CD93: variants seen among roughly 807,000 people sequenced by gnomAD.
CD93 encodes complement component C1q receptor.
A neutral mutation model predicts 45.5 loss-of-function variants in CD93; 44 were observed. The observed-to-expected ratio is 0.97, with a 90% confidence interval of 0.76 to 1.24. The LOEUF is 1.24. Ranked by LOEUF, CD93 falls within the 50% of genes most tolerant of loss-of-function variation. The pLI is 0.00. For synonymous variants in CD93, 431 were observed against 370.8 expected (o/e 1.16, Z -1.87); for missense variants, 918 against 844.5 (o/e 1.09, Z -1.08).
rs200379116 is a variant in CD93 at position 23,083,936 on chromosome 20, G to A, written c.*14C>T. ...GTGGCTGGTGACTCTAGTGTCTCTA[G>A]GGCCACCTCACTTTCAGCAGTCTGT... is the stretch of plus-strand genomic sequence containing the variant. On this transcript the variant is annotated 3_prime_UTR_variant, in exon 2 of 2. Transcript: ENST00000246006. 67 of 1,613,662 alleles carry A rather than the reference G, an allele frequency of 4.2e-5. No individual in the cohort carries two copies. The East Asian group carries it at 1.4e-3, about 35-fold the overall frequency.
At position 23,085,795 on chromosome 20, in the gene CD93, C is replaced by T. The variant is rs1196225388; in HGVS notation, c.398G>A (p.Arg133Gln). The change falls in exon 1 of 2, where the codon CGG (arginine) becomes CAG (glutamine). Residue 133 changes from arginine to glutamine, a missense_variant. Arg to Gln is a conservative substitution (Grantham distance 43). Coordinates refer to ENST00000246006, the MANE Select transcript of CD93 (RefSeq NM_012072.4). Reference protein sequence around the residue: ...TPYSNWHKELRNSCISKRCVS... With the variant: ...TPYSNWHKELQNSCISKRCVS... ...ACAGCGCTTGGAGATGCACGAGTTC[C>T]GGAGCTCCTTGTGCCAGTTAGAGTA... The T allele has an allele frequency of 1.9e-6, 3 of 1,611,512 alleles. No individual in the cohort carries two copies. Among genetic ancestry groups the T allele is most frequent in the African/African-American group, 1.3e-5 (1 of 74,922 alleles).
In CD93 at chr20:23,086,288, G is replaced by GCCCCAA; in HGVS notation, c.-97_-96insTTGGGG. 1 of 1,402,980 alleles carries GCCCCAA rather than the reference G, an allele frequency of 7.1e-7. No homozygotes were observed. The highest frequency in any genetic ancestry group is 9.4e-7 in the Non-Finnish European group (1 of 1,068,630). The allele number at this position is 1,402,980 out of a possible 1,614,324, so 86.9% of individuals were successfully genotyped here. Reference sequence around the variant, plus strand: ...CAGCTGGGCCCCAAGGGGAGCTGAGGGGTGAGCTGCAGCCACTCCGGCGCA... The same window carrying GCCCCAA: ...CAGCTGGGCCCCAAGGGGAGCTGAGGCCCCAAGGTGAGCTGCAGCCACTCCGGCGCA... On this transcript the variant is annotated 5_prime_UTR_variant, in exon 1 of 2. Coordinates refer to ENST00000246006, the MANE Select transcript of CD93 (RefSeq NM_012072.4).
Position 23,080,894 on chromosome 20 carries a change from C to G in CD93, c.*3056G>C, listed in dbSNP as rs1985305971. ...CGATAACTGTCCTGCCCTGGTTTTT[C>G]TGCATTCCTCAGATTATCTGTGGGA... On this transcript the variant is annotated 3_prime_UTR_variant, in exon 2 of 2. Coordinates refer to ENST00000246006, the MANE Select transcript of CD93 (RefSeq NM_012072.4). 6.6e-6 allele frequency: 1 copy of G among 152,208 alleles called. No individual in the cohort carries two copies. The highest frequency in any genetic ancestry group is 1.5e-5 in the Non-Finnish European group (1 of 68,054). 9.4% of individuals were successfully genotyped at this position (152,208 alleles called of 1,614,324 possible).
chr20:23,085,595 T>G lies in CD93; in HGVS notation c.598A>C (p.Thr200Pro). Residue 200 changes from threonine (T) to proline (P), a missense_variant, in exon 1 of 2, where the codon ACC becomes CCC. Physicochemically the swap from Thr to Pro is conservative, Grantham distance 38 (BLOSUM62 -1). Coordinates refer to ENST00000246006, the MANE Select transcript of CD93 (RefSeq NM_012072.4). ...GTGGTCTGGAAGGGGGTGGTGTAGG[T>G]CACCTGACCTGGGCCCCCCAGGGCC... is the stretch of plus-strand genomic sequence containing the variant. Reference protein sequence around the residue: ...PLALGGPGQVTYTTPFQTTSS... With the variant: ...PLALGGPGQVPYTTPFQTTSS... The G allele has an allele frequency of 6.2e-7, 1 of 1,613,612 alleles. No homozygotes were observed. Among genetic ancestry groups the G allele is most frequent in the Non-Finnish European group, 8.5e-7 (1 of 1,179,974 alleles).
In CD93 at chr20:23,084,339, C is replaced by G. The variant is rs546078067; in HGVS notation, c.1854G>C (p.Glu618Asp). The G allele has an allele frequency of 1.2e-6, 2 of 1,614,112 alleles. No homozygotes were observed. The highest frequency in any genetic ancestry group is 1.7e-5 in the Admixed American group (1 of 60,010). The change falls in exon 1 of 2, where the codon GAG becomes GAC. Residue 618 changes from glutamate to aspartate, a missense_variant. Coordinates refer to ENST00000246006, the MANE Select transcript of CD93 (RefSeq NM_012072.4). ...KRRAKREEKKEKKPQNAADSY... is the reference protein window; with the variant it reads ...KRRAKREEKKDKKPQNAADSY... Reference sequence around the variant, plus strand: ...TGTCTGCCGCATTCTGGGGCTTCTTCTCCTTCTTCTCCTCCCTCTTCGCTC... The same window carrying G: ...TGTCTGCCGCATTCTGGGGCTTCTTGTCCTTCTTCTCCTCCCTCTTCGCTC...
chr20:23,083,866 A>C lies in CD93; in HGVS notation c.*84T>G, dbSNP rs1406760081. On this transcript the variant is annotated 3_prime_UTR_variant, in exon 2 of 2. Coordinates refer to ENST00000246006, the MANE Select transcript of CD93 (RefSeq NM_012072.4). ...GATTCCAGTCCAGTCTTTCAAAAAA[A>C]TGTGGGTGCCCCTTTGGAATGGGGA... 2 of 1,290,660 alleles carry C rather than the reference A, an allele frequency of 1.5e-6. No homozygotes were observed. The highest frequency in any genetic ancestry group is 2.9e-5 in the African/African-American group (2 of 68,600). The allele number at this position is 1,290,660 out of a possible 1,614,324, so 80.0% of individuals were successfully genotyped here.
Position 23,084,750 on chromosome 20 carries a change from G to T in CD93, c.1443C>A (p.Pro481=). ...CTTTCTCTCCTTTGTCCTCCTCATCGGGGGGCCCAGATGGTGGTCCCAGAG... is the reference window on the plus strand; with the variant it reads ...CTTTCTCTCCTTTGTCCTCCTCATCTGGGGGCCCAGATGGTGGTCCCAGAG... ...PVSLGPPSGP[P]DEEDKGEKEG... Residue 481 remains proline (P), a synonymous_variant, in exon 1 of 2, where the codon CCC becomes CCA. Coordinates refer to ENST00000246006, the MANE Select transcript of CD93 (RefSeq NM_012072.4). The T allele has an allele frequency of 6.2e-7, 1 of 1,608,432 alleles. No individual in the cohort carries two copies. Among genetic ancestry groups the T allele is most frequent in the Non-Finnish European group, 8.5e-7 (1 of 1,177,956 alleles).
In CD93 at chr20:23,081,124, T is replaced by C. The variant is rs1439645720; in HGVS notation, c.*2826A>G. ...TTTTTCCAAGAGTCTCCCAGAATTA[T>C]TGACCTATTTGGACAACAAATCTTC... On this transcript the variant is annotated 3_prime_UTR_variant, in exon 2 of 2. Coordinates refer to ENST00000246006, the MANE Select transcript of CD93 (RefSeq NM_012072.4). 6.6e-6 allele frequency: 1 copy of C among 152,222 alleles called. No individual in the cohort carries two copies. The highest frequency in any genetic ancestry group is 2.4e-5 in the African/African-American group (1 of 41,450). The allele number at this position is 152,222 out of a possible 1,614,324, so 9.4% of individuals were successfully genotyped here. A position where few individuals can be genotyped will look rare whatever the true frequency, so the allele number is the denominator to read the frequency against.
chr20:23,085,583 G>C lies in CD93; in HGVS notation c.610C>G (p.Pro204Ala). Residue 204 changes from proline to alanine, a missense_variant, in exon 1 of 2, where the codon CCC becomes GCC. Transcript: ENST00000246006. Reference protein sequence around the residue: ...GGPGQVTYTTPFQTTSSSLEA... With the variant: ...GGPGQVTYTTAFQTTSSSLEA... ...AAGGAGGAACTGGTGGTCTGGAAGG[G>C]GGTGGTGTAGGTCACCTGACCTGGG... The C allele has an allele frequency of 2.5e-6, 4 of 1,613,794 alleles. No individual in the cohort carries two copies. The highest frequency in any genetic ancestry group is 3.4e-6 in the Non-Finnish European group (4 of 1,180,032).
At position 23,086,186 on chromosome 20, in the gene CD93, T is replaced by C; in HGVS notation, c.7A>G (p.Thr3Ala). The C allele has an allele frequency of 2.0e-6, 3 of 1,535,028 alleles. No individual in the cohort carries two copies. The highest frequency in any genetic ancestry group is 1.7e-6 in the Non-Finnish European group (2 of 1,145,678). Residue 3 changes from threonine to alanine, a missense_variant, in exon 1 of 2, where the codon ACC (threonine) becomes GCC (alanine). By Grantham distance (58) the Thr-to-Ala change is moderately conservative. Transcript: ENST00000246006. MATSMGLLLLLLL... is the reference protein window; with the variant it reads MAASMGLLLLLLL... The stretch of plus-strand genomic sequence containing the variant: ...AGCAGCAGCAGCAGGCCCATGGAGG[T>C]GGCCATCCCGGTCTCTGTGTGGCCC...
rs1265132494 is a variant in CD93 at position 23,081,012 on chromosome 20, G to C, written c.*2938C>G. The C allele has an allele frequency of 1.3e-5, 2 of 152,252 alleles. No individual in the cohort carries two copies. Among genetic ancestry groups the C allele is most frequent in the Non-Finnish European group, 2.9e-5 (2 of 68,048 alleles). 9.4% of individuals were successfully genotyped at this position (152,252 alleles called of 1,614,324 possible). ...CAGGAATGAGTAGGCATGGCGAGCT[G>C]GGTGTGTGAGATGTTCTCTCTTTAC... On this transcript the variant is annotated 3_prime_UTR_variant, in exon 2 of 2. Transcript: ENST00000246006.
rs1985409755 is a variant in CD93, at chr20:23,084,332, GCTTCTTCTC to G, written c.1852_1860del (p.Glu618_Lys620del). ...GAGTAACTGTCTGCCGCATTCTGGG[GCTTCTTCTC>G]CTTCTTCTCCTCCCTCTTCGCTCTC... On this transcript the variant is annotated inframe_deletion, in exon 1 of 2. Transcript: ENST00000246006. The G allele has an allele frequency of 6.2e-7, 1 of 1,614,212 alleles. No individual in the cohort carries two copies. Among genetic ancestry groups the G allele is most frequent in the Non-Finnish European group, 8.5e-7 (1 of 1,180,046 alleles).
chr20:23,082,286 A>G lies in CD93; in HGVS notation c.*1664T>C, dbSNP rs574079580. 43 of 152,318 alleles carry G rather than the reference A, an allele frequency of 2.8e-4. No homozygotes were observed. Among genetic ancestry groups the G allele is most frequent in the African/African-American group, 9.9e-4 (41 of 41,556 alleles). The allele number at this position is 152,318 out of a possible 1,614,324, so 9.4% of individuals were successfully genotyped here. Reference sequence around the variant, plus strand: ...TTAACCCTGCACCTTGTGGCCCTTCAACCACTCCAGAGTGTCACCTCAGAG... The same window carrying G: ...TTAACCCTGCACCTTGTGGCCCTTCGACCACTCCAGAGTGTCACCTCAGAG... On this transcript the variant is annotated 3_prime_UTR_variant, in exon 2 of 2. Transcript: ENST00000246006.
In CD93 at chr20:23,085,831, T is replaced by C; in HGVS notation, c.362A>G (p.Glu121Gly). 2.7e-6 allele frequency: 4 copies of C among 1,491,278 alleles called. No individual in the cohort carries two copies. The highest frequency in any genetic ancestry group is 3.7e-5 in the Admixed American group (2 of 54,150). The allele number at this position is 1,491,278 out of a possible 1,614,324, so 92.4% of individuals were successfully genotyped here. Residue 121 changes from glutamate to glycine, a missense_variant, in exon 1 of 2, where the codon GAG (glutamate) becomes GGG (glycine). Transcript: ENST00000246006. The stretch of plus-strand genomic sequence containing the variant: ...GTGCCAGTTAGAGTAAGGCGTGTCC[T>C]CCCCCCCGCCCACCCAGCTGAAGCC... ...LKGFSWVGGG[E>G]DTPYSNWHKE...
rs1446962473 is a variant in CD93 at position 23,080,960 on chromosome 20, GA to G, written c.*2989del. ...CCTTTCTCAAATGACAAAGAAGAAA[GA>G]AAGAGCAGTGATGGCACCTGAAATT... On this transcript the variant is annotated 3_prime_UTR_variant, in exon 2 of 2. Transcript: ENST00000246006. 3 of 152,270 alleles carry G rather than the reference GA, an allele frequency of 2.0e-5. No homozygotes were observed. The highest frequency in any genetic ancestry group is 7.2e-5 in the African/African-American group (3 of 41,472). The allele number at this position is 152,270 out of a possible 1,614,324, so 9.4% of individuals were successfully genotyped here.
At position 23,085,788 on chromosome 20, in the gene CD93, CGAGTTCCG is replaced by C; in HGVS notation, c.397_404del (p.Arg133ValfsTer27). On this transcript the variant is annotated frameshift_variant, in exon 1 of 2. Coordinates refer to ENST00000246006, the MANE Select transcript of CD93 (RefSeq NM_012072.4). LOFTEE classifies it high-confidence loss of function. ...GAGACACACAGCGCTTGGAGATGCA[CGAGTTCCG>C]GAGCTCCTTGTGCCAGTTAGAGTAA... The C allele has an allele frequency of 6.2e-7, 1 of 1,611,534 alleles. No individual in the cohort carries two copies.
rs150125306 is a variant in CD93 at position 23,085,361 on chromosome 20, C to G, written c.832G>C (p.Gly278Arg). The change falls in exon 1 of 2, where the codon GGG (glycine) becomes CGG (arginine). Residue 278 changes from glycine (G) to arginine (R), a missense_variant. Physicochemically the swap from Gly to Arg is moderately radical, Grantham distance 125. Coordinates refer to ENST00000246006, the MANE Select transcript of CD93 (RefSeq NM_012072.4). ...NGGCHQDCFE[G>R]GDGSFLCGCR... ...CCGCAGAGGAAGGAGCCATCCCCCC[C>G]TTCAAAGCAGTCCTGGTGGCAGCCC... The G allele has an allele frequency of 3.7e-6, 6 of 1,613,900 alleles. No homozygotes were observed. The highest frequency in any genetic ancestry group is 1.7e-5 in the Admixed American group (1 of 60,008).
Position 23,085,252 on chromosome 20 carries a change from C to T in CD93, c.941G>A (p.Gly314Glu), listed in dbSNP as rs202080643. 100 of 1,612,730 alleles carry T rather than the reference C, an allele frequency of 6.2e-5. No individual in the cohort carries two copies. Among genetic ancestry groups the T allele is most frequent in the Non-Finnish European group, 6.2e-5 (73 of 1,179,454 alleles). ...ATGGGGTCCCAGGACGCACGTGGCC[C>T]CCCCACGACATGGGCTGGAGCTGCA... ...NPCSSSPCRGGATCVLGPHGK... is the reference protein window; with the variant it reads ...NPCSSSPCRGEATCVLGPHGK... The change falls in exon 1 of 2, where the codon GGG (glycine) becomes GAG (glutamate). Residue 314 changes from glycine to glutamate, a missense_variant. By Grantham distance (98) the Gly-to-Glu change is moderately conservative. Coordinates refer to ENST00000246006, the MANE Select transcript of CD93 (RefSeq NM_012072.4).
chr20:23,083,059 T>G lies in CD93; in HGVS notation c.*891A>C, dbSNP rs1985368492. ...GGCCACAGGCAGGGTGTCTGAGGCC[T>G]GCCCTGGCTCAAAGACAGGTTGTCC... On this transcript the variant is annotated 3_prime_UTR_variant, in exon 2 of 2. Coordinates refer to ENST00000246006, the MANE Select transcript of CD93 (RefSeq NM_012072.4). 2 of 152,628 alleles carry G rather than the reference T, an allele frequency of 1.3e-5. No homozygotes were observed. Among genetic ancestry groups the G allele is most frequent in the Non-Finnish European group, 2.9e-5 (2 of 68,050 alleles). The allele number at this position is 152,628 out of a possible 1,614,324, so 9.5% of individuals were successfully genotyped here.
Sources: allele counts gnomAD v4.1 joint callset, GRCh38; gene constraint gnomAD v4.1.1; transcripts MANE v1.5; gene names NCBI Gene and HGNC (gene_info 2026-07-23, HGNC 2026-07-21).